The following PDE10A variants were observed in gnomAD, a reference collection of about 807,000 sequenced individuals.
PDE10A encodes cAMP and cAMP-inhibited cGMP 3',5'-cyclic phosphodiesterase 10A.
PDE10A carries 39 observed loss-of-function variants against 97.7 expected under a neutral mutation model. The ratio of observed to expected loss-of-function variants is 0.40; its 90% CI spans 0.31 to 0.52. The LOEUF is 0.52. PDE10A is among the 20% of genes least tolerant of loss of function. The pLI is 0.56. For missense variants in PDE10A, 731 were observed against 1,047.8 expected, an observed-to-expected ratio of 0.70 and a Z score of 4.17; for synonymous variants, 371 against 376.8, an observed-to-expected ratio of 0.98 and a Z score of 0.18.
chr6:165,715,386 T>C (rs1024378982), intron 1 of PDE10A, among the ~76,000 whole-genome samples: 6 of 152,254 alleles, frequency 3.9e-5, no homozygotes, highest in African/African-American at 1.4e-4. Context: ...AAGTGGTGTG[T>C]GCGTCAGCTG....
At chr6:165,525,532 C>T (rs1158105120) in intron 2 of PDE10A, among the ~76,000 whole-genome samples, 2 of 151,164 alleles carry the variant, frequency 1.3e-5, no homozygotes, top group Admixed American at 6.6e-5. Flanking sequence ...ACCTACTCAT[C>T]CCAGCCTTAG....
At chr6:165,421,033 T>C (rs1788656855) in intron 10 of PDE10A, among the ~76,000 whole-genome samples, 1 of 152,176 alleles carries the variant, frequency 6.6e-6, no homozygotes, top group Non-Finnish European at 1.5e-5. Context: ...TATGACAATA[T>C]TAAAAACAGA....
At chr6:165,983,897 C>T (rs532159251) in intron 1 of PDE10A, among the ~76,000 whole-genome samples, 13 of 152,200 alleles carry the variant, frequency 8.5e-5, no homozygotes, top group Admixed American at 5.9e-4. Context: ...CCTGGCCTCC[C>T]GGTTTCCCAT....
intron 1 of PDE10A, among the ~76,000 whole-genome samples, chr6:165,907,438 G>A (rs1476848761): frequency 6.6e-6 from 1 of 152,230 alleles, no homozygotes; most frequent in Non-Finnish European, 1.5e-5. Context: ...CTGGATTCAG[G>A]TGCGAGTCAC....
chr6:165,647,309 C>G (rs1789449850), intron 1 of PDE10A, among the ~76,000 whole-genome samples: 2 of 152,210 alleles, frequency 1.3e-5, no homozygotes, highest in Non-Finnish European at 2.9e-5. Flanking sequence ...CCCGGAGCTG[C>G]CAGCGGCAGG....
chr6:165,932,422 G>A (rs937612194), intron 1 of PDE10A, among the ~76,000 whole-genome samples: 1 of 151,718 alleles, frequency 6.6e-6, no homozygotes, highest in Non-Finnish European at 1.5e-5. Context: ...TGCAACCTCC[G>A]CCTCCTGAGT....
chr6:165,575,750 TCACC>T (rs1189781383), intron 1 of PDE10A, among the ~76,000 whole-genome samples: 1 of 152,254 alleles, frequency 6.6e-6, no homozygotes, highest in South Asian at 2.1e-4. Flanking sequence ...GTGTTAATAA[TCACC>T]CAATGATTTC....
chr6:165,400,070 T>C (rs1033520511), intron 13 of PDE10A, among the ~76,000 whole-genome samples: 1 of 152,078 alleles, frequency 6.6e-6, no homozygotes, highest in Non-Finnish European at 1.5e-5. Flanking sequence ...GGCGAGGCCA[T>C]AAGGAAAGGA....
At chr6:165,735,119 G>A (rs950734859) in intron 1 of PDE10A, among the ~76,000 whole-genome samples, 1 of 151,950 alleles carries the variant, frequency 6.6e-6, no homozygotes, top group African/African-American at 2.4e-5. Context: ...TTGGTAGGTA[G>A]GTAGGTAGGT....
chr6:165,735,286 G>A (rs944050356), intron 1 of PDE10A, among the ~76,000 whole-genome samples: 3 of 151,706 alleles, frequency 2.0e-5, no homozygotes, highest in African/African-American at 7.3e-5. Context: ...CAGTTGGTAG[G>A]TAAGTAGGTA....
chr6:165,939,411 T>C (rs1783440000), intron 1 of PDE10A: 4 of 152,252 alleles, frequency 2.6e-5, no homozygotes, highest in Admixed American at 2.6e-4. Flanking sequence ...AATTTCTAAA[T>C]ACAATTTTAT....
In PDE10A at chr6:165,453,303, C is replaced by T. The variant is rs553056447; in HGVS notation, c.1024-2941G>A. Among the ~76,000 whole-genome samples, 43 of 152,296 alleles carry T rather than the reference C, an allele frequency of 2.8e-4. No individual in the cohort carries two copies. In the South Asian group the frequency reaches 8.1e-3, roughly 29 times the overall value. ...ATTTGGAAAATTTGCAGCCTAGATA[C>T]GTTAAGTGTGAAAAGACATGTTTAG... On this transcript the variant is annotated intron_variant, in intron 3 of 21. Coordinates refer to ENST00000539869, the MANE Select transcript of PDE10A (RefSeq NM_001385079.1).
intron 18 of PDE10A, among the ~76,000 whole-genome samples, chr6:165,347,995 T>C (rs376602761): frequency 6.6e-6 from 1 of 152,186 alleles, no homozygotes; most frequent in Non-Finnish European, 1.5e-5. Flanking sequence ...TGTTTAATAT[T>C]GTACCCTTTC....
intron 1 of PDE10A, among the ~76,000 whole-genome samples, chr6:165,788,324 C>A (rs894275523): frequency 3.3e-5 from 5 of 151,600 alleles, no homozygotes; most frequent in East Asian, 1.9e-4. Flanking sequence ...TGGAGGCCAC[C>A]CTGACCAACA....
intron 1 of PDE10A, among the ~76,000 whole-genome samples, chr6:165,893,288 C>A (rs911889559): frequency 6.6e-6 from 1 of 152,168 alleles, no homozygotes; most frequent in African/African-American, 2.4e-5. Context: ...TGCGAATGCC[C>A]TTTTTTTGGT....
chr6:165,585,391 T>C (rs1785847168), intron 1 of PDE10A, among the ~76,000 whole-genome samples: 1 of 152,218 alleles, frequency 6.6e-6, no homozygotes, highest in Non-Finnish European at 1.5e-5. Context: ...TGTGAAGGTA[T>C]TTTGTAGACA....
chr6:165,338,864 A>C (rs577670079), intron 20 of PDE10A, among the ~76,000 whole-genome samples: 151 of 152,300 alleles, frequency 9.9e-4, no homozygotes, highest in African/African-American at 3.3e-3. Flanking sequence ...AGAAGGTTTC[A>C]AGTGGTTCTA....
chr6:165,345,964 T>C (rs563744968), intron 18 of PDE10A, among the ~76,000 whole-genome samples: 1 of 152,182 alleles, frequency 6.6e-6, no homozygotes, highest in East Asian at 1.9e-4. Flanking sequence ...AGTCCTAATG[T>C]GGAAACAAGC....
chr6:165,837,006 A>C (rs1780079471), intron 1 of PDE10A, among the ~76,000 whole-genome samples: 2 of 139,532 alleles, frequency 1.4e-5, no homozygotes, highest in South Asian at 4.5e-4. Flanking sequence ...CAATGAGATC[A>C]CATGGACACA....
Sources: allele counts gnomAD v4.1 joint callset (sites outside exome capture counted in the v4.1 genomes callset), GRCh38; gene constraint gnomAD v4.1.1; transcripts MANE v1.5; gene names NCBI Gene and HGNC (gene_info 2026-07-23, HGNC 2026-07-21).